Variants in ATXN1 observed in about 807,000 individuals in gnomAD.
ATXN1 encodes the protein ataxin-1.
Under a neutral mutation model 56.4 loss-of-function variants are expected in ATXN1, and 8 were observed. That is an observed-to-expected ratio of 0.14 (90% CI 0.08 to 0.26). The LOEUF is 0.26. Among genes scored for constraint, ATXN1 ranks in the 10% least tolerant of loss-of-function variants. The pLI, the probability that ATXN1 is intolerant of heterozygous loss-of-function variation, is 1.00. For missense variants in ATXN1, 987 were observed against 1,106.5 expected (o/e 0.89, Z 1.53); for synonymous variants, 514 against 494.6 (o/e 1.04, Z -0.52).
chr6:16,730,048 T>A (rs781158421), intron 2 of ATXN1, among the ~76,000 whole-genome samples: 1 of 152,226 alleles, frequency 6.6e-6, no homozygotes, highest in Non-Finnish European at 1.5e-5. Context: ...TTTGGGAGGC[T>A]GAGGCAGGCA....
chr6:16,307,918 C>A (rs1197389496), intron 7 of ATXN1, among the ~76,000 whole-genome samples: 1 of 152,188 alleles, frequency 6.6e-6, no homozygotes, highest in Non-Finnish European at 1.5e-5. Context: ...CTTTGGGAGG[C>A]CAAGGCGCGT....
intron 4 of ATXN1, among the ~76,000 whole-genome samples, chr6:16,526,858 G>T (rs1761405380): frequency 6.6e-6 from 1 of 151,952 alleles, no homozygotes. Context: ...AATAGGGATG[G>T]CTAGATCAAG....
At chr6:16,516,735 AT>A (rs1349400578) in intron 5 of ATXN1, among the ~76,000 whole-genome samples, 2 of 152,222 alleles carry the variant, frequency 1.3e-5, no homozygotes, top group East Asian at 3.9e-4. Context: ...TTGGTAATGA[AT>A]CATGTCTAAC....
At chr6:16,547,397 C>T (rs62389001) in intron 4 of ATXN1, among the ~76,000 whole-genome samples, 3,748 of 152,218 alleles carry the variant, frequency 0.025, 65 homozygotes, top group Non-Finnish European at 0.037. Flanking sequence ...TAACATCCAC[C>T]GCCAGCAAAT....
At chr6:16,698,986 T>G (rs1482258985) in intron 2 of ATXN1, among the ~76,000 whole-genome samples, 2 of 152,242 alleles carry the variant, frequency 1.3e-5, no homozygotes, top group Non-Finnish European at 2.9e-5. Flanking sequence ...TAAAAAATGT[T>G]TAACTTGTAC....
intron 6 of ATXN1, among the ~76,000 whole-genome samples, chr6:16,348,837 T>C (rs894099772): frequency 2.0e-5 from 3 of 152,214 alleles, no homozygotes; most frequent in Non-Finnish European, 4.4e-5. Context: ...TGCTTTCCAG[T>C]TCAAACTACC....
chr6:16,409,961 T>C (rs895172421), intron 6 of ATXN1, among the ~76,000 whole-genome samples: 1 of 152,198 alleles, frequency 6.6e-6, no homozygotes, highest in East Asian at 1.9e-4. Flanking sequence ...CAAAGCATGC[T>C]TGGTACTTGA....
At chr6:16,717,734 T>G (rs1005840568) in intron 2 of ATXN1, among the ~76,000 whole-genome samples, 1 of 152,206 alleles carries the variant, frequency 6.6e-6, no homozygotes, top group Non-Finnish European at 1.5e-5. Flanking sequence ...ATCTGTGGCA[T>G]AGCTCTCTGA....
intron 6 of ATXN1, among the ~76,000 whole-genome samples, chr6:16,390,553 T>C (rs1386121919): frequency 1.3e-5 from 2 of 152,154 alleles, no homozygotes; most frequent in African/African-American, 4.8e-5. Context: ...TGTTTTCAGT[T>C]TGGATTTTCT....
At chr6:16,474,858 A>G (rs1299022198) in intron 6 of ATXN1, among the ~76,000 whole-genome samples, 1 of 149,288 alleles carries the variant, frequency 6.7e-6, no homozygotes, top group African/African-American at 2.5e-5. Context: ...ACACACACAC[A>G]CACACACTCT....
intron 2 of ATXN1, 88 bp downstream of exon 2, chr6:16,753,145 C>A (rs199705371): frequency 3.8e-6 from 1 of 263,936 alleles, no homozygotes. Flanking sequence ...CAACAGCCAA[C>A]AAAGTAAGGG....
intron 2 of ATXN1, among the ~76,000 whole-genome samples, chr6:16,750,625 G>C (rs10456788): frequency 0.074 from 11,240 of 152,134 alleles, 481 homozygotes; most frequent in East Asian, 0.12. Context: ...GCGCTACTTC[G>C]TCAGTATTTT....
intron 4 of ATXN1, among the ~76,000 whole-genome samples, chr6:16,544,278 G>A (rs976047651): frequency 6.6e-6 from 1 of 152,216 alleles, no homozygotes; most frequent in African/African-American, 2.4e-5. Context: ...ACAGTAACCA[G>A]AGCCAGCTGT....
intron 2 of ATXN1, among the ~76,000 whole-genome samples, chr6:16,679,073 T>C (rs1337897972): frequency 6.7e-6 from 1 of 149,572 alleles, no homozygotes. Flanking sequence ...GAAGAAAAGA[T>C]GGATGGATGG....
intron 2 of ATXN1, among the ~76,000 whole-genome samples, chr6:16,718,730 C>T (rs1023929296): frequency 5.9e-5 from 9 of 152,150 alleles, no homozygotes; most frequent in African/African-American, 2.2e-4. Context: ...GAACATTTCC[C>T]CTGCTGTTTA....
At chr6:16,353,449 CG>C (rs761477361) in intron 6 of ATXN1, among the ~76,000 whole-genome samples, 17 of 152,112 alleles carry the variant, frequency 1.1e-4, no homozygotes, top group Middle Eastern at 3.4e-3. Context: ...CTGAGGTGGG[CG>C]GATCTTGGGG....
intron 6 of ATXN1, among the ~76,000 whole-genome samples, chr6:16,477,283 C>T (rs1366313120): frequency 2.0e-5 from 3 of 152,228 alleles, no homozygotes; most frequent in Admixed American, 6.5e-5. Context: ...GCCAATGTCA[C>T]TTGACTGTCC....
intron 4 of ATXN1, 129 bp from the exon 5 acceptor site, chr6:16,522,817 A>G (rs1329927360): frequency 6.6e-6 from 1 of 152,246 alleles, no homozygotes; most frequent in Non-Finnish European, 1.5e-5. Context: ...GGTGCACAAT[A>G]AATGTCTGAA....
chr6:16,730,483 G>GTATATATATATATATATA (rs1283942311), intron 2 of ATXN1, among the ~76,000 whole-genome samples: 117 of 74,490 alleles, frequency 1.6e-3, no homozygotes, highest in African/African-American at 4.5e-3. Context: ...GGGTAAAACA[G>GTATATATATATATATATA]TATGTATATA....
Sources: gnomAD v4.1 joint callset for allele counts (sites outside exome capture counted in the v4.1 genomes callset) on GRCh38, gnomAD v4.1.1 for gene constraint, MANE v1.5 for transcripts, NCBI Gene and HGNC (gene_info 2026-07-23, HGNC 2026-07-21) for gene names.